TXNRD2: variants seen among roughly 807,000 people sequenced by gnomAD.
TXNRD2 encodes the protein thioredoxin reductase 2.
A neutral mutation model predicts 70.8 loss-of-function variants in TXNRD2; 67 were observed. The observed-to-expected ratio is 0.95, with a 90% CI of 0.78 to 1.16. The LOEUF is 1.16. TXNRD2 is among the 50% of genes most tolerant of loss of function. TXNRD2 has a pLI of 0.00. For missense variants in TXNRD2, 644 were observed against 719.9 expected (o/e 0.89, Z 1.21); for synonymous variants, 301 against 295.8 (o/e 1.02, Z -0.18).
intron 12 of TXNRD2, chr22:19,881,322 T>C (rs1569071713): frequency 2.7e-6 from 1 of 376,320 alleles, no homozygotes; most frequent in Non-Finnish European, 4.7e-6. Flanking sequence ...ATTCCAGAAA[T>C]GCATAGAGAT....
intron 8 of TXNRD2, among the ~76,000 whole-genome samples, chr22:19,899,564 G>C (rs540474438): frequency 5.9e-5 from 9 of 152,388 alleles, no homozygotes; most frequent in African/African-American, 2.2e-4. Flanking sequence ...AGGAGGGCCA[G>C]CTCCCCAGAG....
intron 10 of TXNRD2, among the ~76,000 whole-genome samples, chr22:19,896,535 A>T (rs1569082047): frequency 6.6e-6 from 1 of 151,756 alleles, no homozygotes; most frequent in Non-Finnish European, 1.5e-5. Flanking sequence ...TAGGTAGGAG[A>T]CTCTGCTCCC....
intron 1 of TXNRD2, among the ~76,000 whole-genome samples, chr22:19,935,865 T>A (rs2146104102): frequency 6.6e-6 from 1 of 152,340 alleles, no homozygotes; most frequent in Middle Eastern, 3.4e-3. Flanking sequence ...ATCGGTCCAG[T>A]CCACAGAAAT....
At chr22:19,882,110 A>C (rs1376206558) in intron 12 of TXNRD2, among the ~76,000 whole-genome samples, 1 of 152,186 alleles carries the variant, frequency 6.6e-6, no homozygotes, top group Non-Finnish European at 1.5e-5. Context: ...TCACATGACG[A>C]TGAGGCAGAG....
chr22:19,880,397 C>A, intron 13 of TXNRD2, 126 bp from the exon 14 acceptor site: 1 of 1,038,748 alleles, frequency 9.6e-7, no homozygotes. Flanking sequence ...GCTGCAAGCA[C>A]AGTAGGCGAC....
In TXNRD2 at chr22:19,896,312, G is replaced by T. The variant is rs7510756; in HGVS notation, c.775-731C>A. On this transcript the variant is annotated intron_variant, in intron 10 of 17. Transcript: ENST00000400521. ...GACTCTGTCTCAAACCAAAAAAAAAGAAAGAAAAAAAAGAAAAACAACCAA... is the reference window on the plus strand; with the variant it reads ...GACTCTGTCTCAAACCAAAAAAAAATAAAGAAAAAAAAGAAAAACAACCAA... Among the ~76,000 whole-genome samples, 44 of 142,870 alleles carry T rather than the reference G, an allele frequency of 3.1e-4. 3 individuals carry two copies. In the South Asian group the frequency reaches 9.4e-3, roughly 30 times the overall value. 93.7% of individuals were successfully genotyped at this position (142,870 alleles called of 152,430 possible).
intron 11 of TXNRD2, among the ~76,000 whole-genome samples, chr22:19,893,193 C>T (rs532476080): frequency 6.6e-6 from 1 of 152,354 alleles, no homozygotes; most frequent in South Asian, 2.1e-4. Context: ...CAGCCCCACG[C>T]AAGCCCGGTT....
At chr22:19,915,297 C>T in intron 6 of TXNRD2, 21 bp from the exon 7 acceptor site, 1 of 1,610,722 alleles carries the variant, frequency 6.2e-7, no homozygotes, top group Non-Finnish European at 8.5e-7. Flanking sequence ...AAAGAGAAAG[C>T]CGTGGGTCAG....
At chr22:19,932,451 C>T (rs777956509) in intron 1 of TXNRD2, 46 of 1,606,058 alleles carry the variant, frequency 2.9e-5, no homozygotes, top group Middle Eastern at 1.6e-4. Flanking sequence ...AAGCTACTGG[C>T]GAGGAAGGCA....
In TXNRD2 at chr22:19,878,085, C is replaced by G. The variant is rs918021854; in HGVS notation, c.1445+5G>C. The G allele has an allele frequency of 6.2e-7, 1 of 1,612,864 alleles. No individual in the cohort carries two copies. Among genetic ancestry groups the G allele is most frequent in the African/African-American group, 1.3e-5 (1 of 75,048 alleles). On this transcript the variant is annotated splice_donor_5th_base_variant and intron_variant, in intron 16 of 17. Coordinates refer to ENST00000400521, the MANE Select transcript of TXNRD2 (RefSeq NM_006440.5). ...GCATCGCAGCCTGCATTCCTCGGGA[C>G]TTACTTGATCCCCAGAGCAAATCCT...
chr22:19,898,240 T>C, intron 9 of TXNRD2, 110 bp from the exon 10 acceptor site: 1 of 1,030,934 alleles, frequency 9.7e-7, no homozygotes, highest in Non-Finnish European at 1.5e-6. Context: ...TGGCTGGCCC[T>C]GGAGGAGGCT....
chr22:19,904,984 C>T (rs562145150), intron 8 of TXNRD2, among the ~76,000 whole-genome samples: 11 of 152,340 alleles, frequency 7.2e-5, no homozygotes, highest in African/African-American at 2.4e-4. Flanking sequence ...AACAGCCCCT[C>T]CAAGTGTGAG....
rs768636039 is a variant in TXNRD2 at position 19,941,804 on chromosome 22, C to T, written c.-1G>A. ...GCAGCGCCACCGCCATTGCCGCCATCGTCGTGGGGCTTCTGGGGCAGCTAG... is the reference window on the plus strand; with the variant it reads ...GCAGCGCCACCGCCATTGCCGCCATTGTCGTGGGGCTTCTGGGGCAGCTAG... On this transcript the variant is annotated 5_prime_UTR_variant, in exon 1 of 18. Coordinates refer to ENST00000400521, the MANE Select transcript of TXNRD2 (RefSeq NM_006440.5). The T allele has an allele frequency of 7.2e-6, 11 of 1,527,288 alleles. No individual in the cohort carries two copies. In the South Asian group the frequency reaches 9.6e-5, roughly 13 times the overall value. The allele number at this position is 1,527,288 out of a possible 1,614,324, so 94.6% of individuals were successfully genotyped here. A position where few individuals can be genotyped will look rare whatever the true frequency, so the allele number is the denominator to read the frequency against.
intron 6 of TXNRD2, 80 bp from the exon 7 acceptor site, chr22:19,915,356 T>G (rs1940589317): frequency 1.4e-6 from 2 of 1,479,172 alleles, no homozygotes; most frequent in African/African-American, 2.8e-5. Context: ...ACCACAGACC[T>G]TGGCCAGCAG....
At chr22:19,882,050 G>C (rs1938802806) in intron 12 of TXNRD2, among the ~76,000 whole-genome samples, 2 of 152,218 alleles carry the variant, frequency 1.3e-5, no homozygotes, top group South Asian at 4.1e-4. Flanking sequence ...TCCAATTGCA[G>C]AGAAACTGTA....
At chr22:19,902,091 G>A (rs943928380) in intron 8 of TXNRD2, among the ~76,000 whole-genome samples, 2 of 152,174 alleles carry the variant, frequency 1.3e-5, no homozygotes, top group Non-Finnish European at 2.9e-5. Flanking sequence ...CGGCTACTCG[G>A]GAGGCTGAGG....
intron 8 of TXNRD2, among the ~76,000 whole-genome samples, chr22:19,900,486 C>T (rs1451401992): frequency 2.6e-5 from 4 of 152,194 alleles, no homozygotes; most frequent in South Asian, 2.1e-4. Context: ...TGCGGTGGCT[C>T]ACGCCTGTAA....
intron 2 of TXNRD2, among the ~76,000 whole-genome samples, chr22:19,927,289 G>A (rs932488533): frequency 8.6e-5 from 13 of 151,486 alleles, no homozygotes; most frequent in Admixed American, 1.3e-4. Context: ...AGCGAAACTC[G>A]GTCTCAAAAA....
At chr22:19,935,275 G>A (rs560783146) in intron 1 of TXNRD2, among the ~76,000 whole-genome samples, 37 of 152,236 alleles carry the variant, frequency 2.4e-4, no homozygotes, top group Admixed American at 1.0e-3. Context: ...TGTCTTATGC[G>A]GTTGAGATAA....
Sources: gnomAD v4.1 joint callset for allele counts (sites outside exome capture counted in the v4.1 genomes callset) on GRCh38, gnomAD v4.1.1 for gene constraint, MANE v1.5 for transcripts, NCBI Gene and HGNC (gene_info 2026-07-23, HGNC 2026-07-21) for gene names.